Variants in ABCG8 observed in about 807,000 individuals in gnomAD.
ABCG8 encodes ATP binding cassette subfamily G member 8.
Under a neutral mutation model 71.3 loss-of-function variants are expected in ABCG8, and 81 were observed. The ratio of observed to expected loss-of-function variants is 1.14; its 90% CI spans 0.95 to 1.37. The LOEUF is 1.37. ABCG8 is among the 40% of genes most tolerant of loss of function. The probability of loss-of-function intolerance (pLI) is 0.00; values close to 1 mark genes in which losing one functional copy is unlikely to be tolerated. For synonymous variants in ABCG8, 451 were observed against 354.7 expected (o/e 1.27, Z -3.05); for missense variants, 1,119 against 866.2 (o/e 1.29, Z -3.66).
chr2:43,856,973 A>G lies in ABCG8; in HGVS notation c.964+4105A>G, dbSNP rs565595287. On this transcript the variant is annotated intron_variant, in intron 6 of 12. Coordinates refer to ENST00000272286, the MANE Select transcript of ABCG8 (RefSeq NM_022437.3). ...TAGAACTCTCAGTGTCTTTCTGGATAGAATTCTCACCCTCTGGATAGAACT... is the reference window on the plus strand; with the variant it reads ...TAGAACTCTCAGTGTCTTTCTGGATGGAATTCTCACCCTCTGGATAGAACT... Among the ~76,000 whole-genome samples the G allele has an allele frequency of 2.0e-5, 3 of 151,950 alleles. No homozygotes were observed. The East Asian group carries it at 5.8e-4, about 30-fold the overall frequency.
chr2:43,865,092 C>T (rs1208765683), intron 6 of ABCG8, among the ~76,000 whole-genome samples: 1 of 151,766 alleles, frequency 6.6e-6, no homozygotes, highest in Non-Finnish European at 1.5e-5. Context: ...AGAATTCTCA[C>T]CCTCTGGATA....
intron 6 of ABCG8, among the ~76,000 whole-genome samples, chr2:43,863,958 G>C (rs79758672): frequency 0.052 from 7,888 of 150,968 alleles, 247 homozygotes; most frequent in Middle Eastern, 0.11. Flanking sequence ...TTCTCACTCT[G>C]TAGGTAGAAC....
At chr2:43,864,974 A>G (rs1330172084) in intron 6 of ABCG8, among the ~76,000 whole-genome samples, 1 of 149,898 alleles carries the variant, frequency 6.7e-6, no homozygotes, top group Non-Finnish European at 1.5e-5. Flanking sequence ...CTCTGTGGAT[A>G]GAACTCTGAC....
intron 4 of ABCG8, among the ~76,000 whole-genome samples, 185 bp from the exon 5 acceptor site, chr2:43,852,169 C>T (rs556077354): frequency 1.3e-5 from 2 of 152,344 alleles, no homozygotes; most frequent in Admixed American, 1.3e-4. Context: ...CACGTCGAGG[C>T]CCCTCGGGAC....
Position 43,871,969 on chromosome 2 carries a change from C to A in ABCG8, c.965-7C>A. ...GCCACCTGTGACTCCACATCCCCTG[C>A]TTGCAGTGGACCTGACCAGCATTGA... On this transcript the variant is annotated splice_polypyrimidine_tract_variant and splice_region_variant and intron_variant, in intron 6 of 12. Transcript: ENST00000272286. 2 of 1,613,992 alleles carry A rather than the reference C, an allele frequency of 1.2e-6. No individual in the cohort carries two copies. The highest frequency in any genetic ancestry group is 1.7e-6 in the Non-Finnish European group (2 of 1,180,032).
At chr2:43,872,764 C>A (rs530604466) in intron 8 of ABCG8, among the ~76,000 whole-genome samples, 20 of 152,274 alleles carry the variant, frequency 1.3e-4, no homozygotes, top group South Asian at 4.1e-4. Context: ...CGACACAGAA[C>A]ACCCCTATTG....
At chr2:43,839,245 C>T in intron 1 of ABCG8, 129 bp downstream of exon 1, 3 of 1,039,692 alleles carry the variant, frequency 2.9e-6, no homozygotes, top group Non-Finnish European at 4.3e-6. Flanking sequence ...GACATGGCCG[C>T]AGGACTGTTT....
At chr2:43,840,546 T>A (rs1350510077) in intron 1 of ABCG8, among the ~76,000 whole-genome samples, 1 of 152,194 alleles carries the variant, frequency 6.6e-6, no homozygotes, top group African/African-American at 2.4e-5. Flanking sequence ...CTGTGGGTCT[T>A]GGAACAAGAG....
At chr2:43,865,909 A>C (rs571490700) in intron 6 of ABCG8, among the ~76,000 whole-genome samples, 13 of 152,178 alleles carry the variant, frequency 8.5e-5, no homozygotes, top group African/African-American at 3.1e-4. Flanking sequence ...CACTCTGTGG[A>C]TAGAACTCTG....
chr2:43,852,856 G>A lies in ABCG8; in HGVS notation c.952G>A (p.Ala318Thr). The A allele has an allele frequency of 6.2e-7, 1 of 1,614,054 alleles. No homozygotes were observed. Among genetic ancestry groups the A allele is most frequent in the Non-Finnish European group, 8.5e-7 (1 of 1,180,028 alleles). The change falls in exon 6 of 13, where the codon GCT becomes ACT. Residue 318 changes from alanine (A) to threonine (T), a missense_variant. Physicochemically the swap from Ala to Thr is moderately conservative, Grantham distance 58. Coordinates refer to ENST00000272286, the MANE Select transcript of ABCG8 (RefSeq NM_022437.3). ...CCCCTGTCCTCGCTACAGCAATCCT[G>A]CTGACTTCTATGGTGAGTCCCCAAG... ...GYPCPRYSNPADFYVDLTSID... is the reference protein window; with the variant it reads ...GYPCPRYSNPTDFYVDLTSID...
rs1234586220 is a variant in ABCG8 at position 43,852,801 on chromosome 2, C to T, written c.897C>T (p.His299=). Reference sequence around the variant, plus strand: ...CCATCTACTTAGGGGCGGCCCAGCACATGGTCCAGTATTTCACAGCCATCG... The same window carrying T: ...CCATCTACTTAGGGGCGGCCCAGCATATGGTCCAGTATTTCACAGCCATCG... ...GTPIYLGAAQ[H]MVQYFTAIGY... is the part of the protein sequence containing the mutation. The change falls in exon 6 of 13, where the codon CAC becomes CAT. Residue 299 remains histidine, a synonymous_variant. Transcript: ENST00000272286. The T allele has an allele frequency of 6.2e-7, 1 of 1,614,180 alleles. No individual in the cohort carries two copies. Among genetic ancestry groups the T allele is most frequent in the Non-Finnish European group, 8.5e-7 (1 of 1,180,026 alleles).
intron 6 of ABCG8, among the ~76,000 whole-genome samples, chr2:43,861,807 C>G (rs1343130425): frequency 1.4e-5 from 2 of 145,274 alleles, no homozygotes; most frequent in Non-Finnish European, 3.1e-5. Flanking sequence ...ACTCTCACTA[C>G]CGGGATAGAA....
At chr2:43,851,554 C>T (rs1343768117) in intron 3 of ABCG8, 30 bp from the exon 4 acceptor site, 5 of 1,612,350 alleles carry the variant, frequency 3.1e-6, no homozygotes, top group Non-Finnish European at 4.2e-6. Context: ...AGAAGCTCCG[C>T]TCTCAGGGAT....
intron 6 of ABCG8, 89 bp from the exon 7 acceptor site, chr2:43,871,887 C>T: frequency 6.4e-7 from 1 of 1,572,202 alleles, no homozygotes; most frequent in Non-Finnish European, 8.7e-7. Context: ...GGGTGATCAG[C>T]ATTGTGAGCT....
intron 1 of ABCG8, among the ~76,000 whole-genome samples, chr2:43,842,370 G>A (rs1572819675): frequency 6.6e-6 from 1 of 152,168 alleles, no homozygotes; most frequent in Admixed American, 6.5e-5. Flanking sequence ...GGACAATGAA[G>A]CAATGTGCAC....
rs1233159797 is a variant in ABCG8, at chr2:43,872,268, G to A, written c.1173G>A (p.Lys391=). 2 of 1,613,996 alleles carry A rather than the reference G, an allele frequency of 1.2e-6. No individual in the cohort carries two copies. Among genetic ancestry groups the A allele is most frequent in the Non-Finnish European group, 8.5e-7 (1 of 1,180,030 alleles). The part of the protein sequence containing the change: ...LDTNCLPSPT[K]MPGAVQQFTT... Reference sequence around the variant, plus strand: ...CCAACTGCCTCCCGAGTCCTACGAAGATGCCTGGGGCGGTGCAGCAGTTTA... The same window carrying A: ...CCAACTGCCTCCCGAGTCCTACGAAAATGCCTGGGGCGGTGCAGCAGTTTA... Residue 391 remains lysine, a synonymous_variant, in exon 8 of 13, where the codon AAG becomes AAA. Transcript: ENST00000272286.
chr2:43,853,381 A>C (rs2104921263), intron 6 of ABCG8, among the ~76,000 whole-genome samples: 1 of 152,282 alleles, frequency 6.6e-6, no homozygotes, highest in African/African-American at 2.4e-5. Context: ...CTGAACACTC[A>C]GCATATTACA....
chr2:43,841,839 T>C (rs901417258), intron 1 of ABCG8, among the ~76,000 whole-genome samples: 2 of 152,184 alleles, frequency 1.3e-5, no homozygotes, highest in Admixed American at 6.5e-5. Flanking sequence ...ATGTCTGACC[T>C]TCCTTCCTCA....
chr2:43,874,081 G>C (rs536658685), intron 9 of ABCG8, 95 bp downstream of exon 9: 1 of 1,271,860 alleles, frequency 7.9e-7, no homozygotes, highest in Admixed American at 1.7e-5. Context: ...ATTTCATTGT[G>C]ATTGTGATAT....
Sources: allele counts gnomAD v4.1 joint callset (sites outside exome capture counted in the v4.1 genomes callset), GRCh38; gene constraint gnomAD v4.1.1; transcripts MANE v1.5; gene names NCBI Gene and HGNC (gene_info 2026-07-23, HGNC 2026-07-21).